CPXM2: variants seen among roughly 807,000 people sequenced by gnomAD.
The protein encoded by CPXM2 is carboxypeptidase X, M14 family member 2.
CPXM2 carries 66 observed loss-of-function variants against 86.1 expected under a neutral mutation model. That is an observed-to-expected ratio of 0.77 (90% CI 0.63 to 0.94). CPXM2 has a LOEUF of 0.94. Among genes scored for constraint, CPXM2 ranks in the 40% least tolerant of loss-of-function variants. The probability of loss-of-function intolerance (pLI) is 0.00; values close to 1 mark genes in which losing one functional copy is unlikely to be tolerated. For missense variants in CPXM2, 948 were observed against 1,026.3 expected, an observed-to-expected ratio of 0.92 and a Z score of 1.04; for synonymous variants, 388 against 400.2, an observed-to-expected ratio of 0.97 and a Z score of 0.36.
chr10:123,811,627 ACAT>A (rs1355495486), intron 4 of CPXM2, among the ~76,000 whole-genome samples: 9 of 152,360 alleles, frequency 5.9e-5, no homozygotes, highest in African/African-American at 1.2e-4. Flanking sequence ...TTATTAAAAA[ACAT>A]CATCAAGAAA....
chr10:123,844,097 G>T (rs989811253), intron 3 of CPXM2, among the ~76,000 whole-genome samples: 1 of 151,982 alleles, frequency 6.6e-6, no homozygotes, highest in Non-Finnish European at 1.5e-5. Flanking sequence ...CTGCAAAATC[G>T]ATTATGAATT....
At chr10:123,902,928 G>A (rs1444504260) in intron 2 of CPXM2, among the ~76,000 whole-genome samples, 2 of 152,184 alleles carry the variant, frequency 1.3e-5, no homozygotes, top group South Asian at 2.1e-4. Context: ...CCTCCCCACC[G>A]TGCCCTTTCA....
chr10:123,854,095 T>G (rs1383986176), intron 3 of CPXM2, among the ~76,000 whole-genome samples: 1 of 151,622 alleles, frequency 6.6e-6, no homozygotes, highest in East Asian at 1.9e-4. Flanking sequence ...GACGGTCATC[T>G]GACCTGTGTG....
At chr10:123,827,509 G>T (rs931461170) in intron 4 of CPXM2, among the ~76,000 whole-genome samples, 1 of 152,124 alleles carries the variant, frequency 6.6e-6, no homozygotes. Flanking sequence ...TTACAAAAAA[G>T]CACAGAAAAC....
rs78274797 is a variant in CPXM2 at position 123,754,967 on chromosome 10, A to G, written c.1918-205T>C. Among the ~76,000 whole-genome samples the G allele has an allele frequency of 0.022, 3,357 of 152,336 alleles. 120 individuals carry two copies. Among genetic ancestry groups the G allele is most frequent in the African/African-American group, 0.077 (3,208 of 41,558 alleles). On this transcript the variant is annotated intron_variant, in intron 12 of 13. Coordinates refer to ENST00000241305, the MANE Select transcript of CPXM2 (RefSeq NM_198148.3). This position sits in a 1 kb window ranked among gnomAD's most constrained non-coding sequence, Gnocchi z 4.0. ...TTCAATTAACAAGGGCGAGGTCTTA[A>G]TGTAAGAAAAGTGAACTTATTTCTG...
Position 123,891,531 on chromosome 10 carries a change from C to T in CPXM2, c.129G>A (p.Arg43=), listed in dbSNP as rs1371458160. Residue 43 remains arginine, a synonymous_variant, in exon 1 of 14, where the codon CGG becomes CGA. Transcript: ENST00000241305. This position sits in a 1 kb window ranked among gnomAD's most constrained non-coding sequence, Gnocchi z 5.6. ...PDYYGQEIWS[R]EPYYARPEPE... is the part of the protein sequence containing the mutation. ...GCTCCGGGCGCGCGTAGTAGGGCTCCCGGCTCCAGATCTCCTGCCCGTAAT... is the reference window on the plus strand; with the variant it reads ...GCTCCGGGCGCGCGTAGTAGGGCTCTCGGCTCCAGATCTCCTGCCCGTAAT... The T allele has an allele frequency of 6.5e-7, 1 of 1,548,508 alleles. No homozygotes were observed. The highest frequency in any genetic ancestry group is 8.7e-7 in the Non-Finnish European group (1 of 1,145,706).
At chr10:123,790,838 G>A (rs568314451) in intron 6 of CPXM2, among the ~76,000 whole-genome samples, 5 of 152,258 alleles carry the variant, frequency 3.3e-5, no homozygotes, top group Admixed American at 1.3e-4. Context: ...ATGAATGAAT[G>A]GATGGGTGGA....
chr10:123,754,859 C>T lies in CPXM2; in HGVS notation c.1918-97G>A. 2.7e-6 allele frequency: 2 copies of T among 735,552 alleles called. No homozygotes were observed. The highest frequency in any genetic ancestry group is 1.5e-5 in the South Asian group (1 of 65,422). 45.6% of individuals were successfully genotyped at this position (735,552 alleles called of 1,614,324 possible). A position where few individuals can be genotyped will look rare whatever the true frequency, so the allele number is the denominator to read the frequency against. ...GCTGTCAACCCACCATTGGCCGGTT[C>T]CCACCAAGAACTCACACAGCACCAC... On this transcript the variant is annotated intron_variant, in intron 12 of 13. Coordinates refer to ENST00000241305, the MANE Select transcript of CPXM2 (RefSeq NM_198148.3). This position sits in a 1 kb window ranked among gnomAD's most constrained non-coding sequence, Gnocchi z 4.0.
At chr10:123,843,134 C>A in intron 3 of CPXM2, 2 of 242,978 alleles carry the variant, frequency 8.2e-6, no homozygotes, top group African/African-American at 2.5e-5. Flanking sequence ...TTTTTTTTTT[C>A]AGAGATGGAG....
Position 123,891,628 on chromosome 10 carries a change from A to T in CPXM2, c.32T>A (p.Leu11Gln), listed in dbSNP as rs1260961224. The T allele has an allele frequency of 6.8e-7, 1 of 1,473,346 alleles. No individual in the cohort carries two copies. The highest frequency in any genetic ancestry group is 2.7e-5 in the East Asian group (1 of 37,258). 91.3% of individuals were successfully genotyped at this position (1,473,346 alleles called of 1,614,324 possible). Reference protein sequence around the residue: MSRPGTATPALALVLLAVTLA... With the variant: MSRPGTATPAQALVLLAVTLA... ...GGTCACTGCCAGGAGCACCAGGGCCAGCGCTGGGGTAGCGGTCCCCGGGCG... is the reference window on the plus strand; with the variant it reads ...GGTCACTGCCAGGAGCACCAGGGCCTGCGCTGGGGTAGCGGTCCCCGGGCG... Residue 11 changes from leucine (L) to glutamine (Q), a missense_variant, in exon 1 of 14, where the codon CTG (leucine) becomes CAG (glutamine). Coordinates refer to ENST00000241305, the MANE Select transcript of CPXM2 (RefSeq NM_198148.3). This position sits in a 1 kb window ranked among gnomAD's most constrained non-coding sequence, Gnocchi z 5.6.
intron 12 of CPXM2, among the ~76,000 whole-genome samples, chr10:123,756,693 G>A (rs868282871): frequency 2.0e-5 from 3 of 151,882 alleles, no homozygotes; most frequent in Middle Eastern, 3.2e-3. Flanking sequence ...CTGTTAAGGT[G>A]GCATCCTCCT....
intron 6 of CPXM2, among the ~76,000 whole-genome samples, chr10:123,794,753 G>C (rs921649402): frequency 1.3e-5 from 2 of 151,100 alleles, no homozygotes; most frequent in Non-Finnish European, 2.9e-5. Context: ...GTGTGTGTGT[G>C]TGTGTGTGTG....
chr10:123,890,797 CACAG>C (rs1945253195), intron 1 of CPXM2, among the ~76,000 whole-genome samples: 1 of 152,172 alleles, frequency 6.6e-6, no homozygotes, highest in Non-Finnish European at 1.5e-5. Flanking sequence ...AGACTCCAGG[CACAG>C]ACTCCCCAGT....
rs148989750 is a variant in CPXM2 at position 123,867,034 on chromosome 10, G to A, written c.404-4311C>T. On this transcript the variant is annotated intron_variant, in intron 2 of 13. Transcript: ENST00000241305. ...AGCCTAACACACGGCGCCATGCCCCGCAGTAGGCATCCTGCAGGCTCAGAT... is the reference window on the plus strand; with the variant it reads ...AGCCTAACACACGGCGCCATGCCCCACAGTAGGCATCCTGCAGGCTCAGAT... Among the ~76,000 whole-genome samples the A allele has an allele frequency of 1.3e-3, 204 of 152,290 alleles. 2 individuals are homozygous for A. Among genetic ancestry groups the A allele is most frequent in the African/African-American group, 4.0e-3 (168 of 41,560 alleles).
At chr10:123,761,255 G>A (rs1029429481) in intron 11 of CPXM2, among the ~76,000 whole-genome samples, 4 of 152,152 alleles carry the variant, frequency 2.6e-5, no homozygotes, top group African/African-American at 7.2e-5. Context: ...TGAGTGTGAC[G>A]GGCCGTCCCG....
rs1945272614 is a variant in CPXM2, at chr10:123,891,551, C to T, written c.109G>A (p.Gly37Arg). ...GGCTCCCGGCTCCAGATCTCCTGCC[C>T]GTAATAATCAGGGTCCTCGAGGGCT... ...GAALEDPDYY[G>R]QEIWSREPYY... Residue 37 changes from glycine (G) to arginine (R), a missense_variant, in exon 1 of 14, where the codon GGG becomes AGG. Gly to Arg is a moderately radical substitution (Grantham distance 125). Coordinates refer to ENST00000241305, the MANE Select transcript of CPXM2 (RefSeq NM_198148.3). This position sits in a 1 kb window ranked among gnomAD's most constrained non-coding sequence, Gnocchi z 5.6. 9 of 1,547,990 alleles carry T rather than the reference C, an allele frequency of 5.8e-6. No individual in the cohort carries two copies. The highest frequency in any genetic ancestry group is 7.9e-6 in the Non-Finnish European group (9 of 1,145,534).
chr10:123,893,410 C>G (rs1326777084), upstream of CPXM2, among the ~76,000 whole-genome samples: 3 of 152,284 alleles, frequency 2.0e-5, no homozygotes, highest in East Asian at 5.8e-4. Context: ...TCTGCGCAGG[C>G]CACTCCACCA....
At position 123,924,244 on chromosome 10, in the gene CPXM2, G is replaced by A. The variant is rs913276621; in HGVS notation, n.174+15233C>T. ...AGTTGGTGCAGGCTCCACAGATGAA[G>A]GGCTCAGTCCCACAAGACTGCCCCC... On this transcript the variant is annotated intron_variant and non_coding_transcript_variant, in intron 2 of 19. Transcript: ENST00000368854. 2.0e-5 allele frequency among the ~76,000 whole-genome samples: 3 copies of A among 152,166 alleles called. No homozygotes were observed. The East Asian group carries it at 5.8e-4, about 29-fold the overall frequency.
At chr10:123,843,809 G>A (rs914311968) in intron 3 of CPXM2, among the ~76,000 whole-genome samples, 10 of 152,216 alleles carry the variant, frequency 6.6e-5, no homozygotes, top group African/African-American at 2.2e-4. Flanking sequence ...TACAGTGTTA[G>A]ACATCTGAGG....
Sources: allele counts gnomAD v4.1 joint callset (sites outside exome capture counted in the v4.1 genomes callset), GRCh38; gene constraint gnomAD v4.1.1; non-coding constraint Gnocchi (gnomAD v3.1); transcripts MANE v1.5; gene names NCBI Gene and HGNC (gene_info 2026-07-23, HGNC 2026-07-21).